Variants in FBXL12 observed in about 807,000 individuals in gnomAD.
The protein encoded by FBXL12 is F-box/LRR-repeat protein 12.
Under a neutral mutation model 24.9 loss-of-function variants are expected in FBXL12, and 22 were observed. The observed-to-expected ratio is 0.88, with a 90% CI of 0.63 to 1.26. The LOEUF (loss-of-function observed/expected upper bound fraction) is 1.26, where lower values mean the gene tolerates loss of function less well. FBXL12 is among the 50% of genes most tolerant of loss of function. The probability of loss-of-function intolerance (pLI) is 0.00; values close to 1 mark genes in which losing one functional copy is unlikely to be tolerated. For missense variants in FBXL12, 384 were observed against 434.1 expected, an observed-to-expected ratio of 0.88 and a Z score of 1.03; for synonymous variants, 193 against 193.8, an observed-to-expected ratio of 1.00 and a Z score of 0.03.
At chr19:9,814,023 C>T (rs1426073128) in intron 2 of FBXL12, 1 of 152,204 alleles carries the variant, frequency 6.6e-6, no homozygotes, top group Non-Finnish European at 1.5e-5. Flanking sequence ...CTTACATTTG[C>T]CTTTTATACA....
rs1353338838 is a variant in FBXL12, at chr19:9,811,329, A to G, written c.548T>C (p.Leu183Pro). 4 of 1,609,344 alleles carry G rather than the reference A, an allele frequency of 2.5e-6. No homozygotes were observed. The highest frequency in any genetic ancestry group is 3.4e-6 in the Non-Finnish European group (4 of 1,179,958). ...CTCGGTCACACGGTAGGTACCACCC[A>G]GCACCAGCGAGCGCAAGGCCCGGAA... The part of the protein sequence containing the change: ...TRFRALRSLV[L>P]GGTYRVTETG... Residue 183 changes from leucine (L) to proline (P), a missense_variant, in exon 3 of 3, where the codon CTG becomes CCG. Leu to Pro is a moderately conservative substitution (Grantham distance 98). Transcript: ENST00000247977. This position sits in a 1 kb window ranked among gnomAD's most constrained non-coding sequence, Gnocchi z 6.0.
intron 2 of FBXL12, 31 bp downstream of exon 2, chr19:9,818,514 G>A (rs1190648912): frequency 6.5e-7 from 1 of 1,533,362 alleles, no homozygotes; most frequent in South Asian, 1.2e-5. Context: ...CCGCGACCGC[G>A]GCCCAGGCCC....
Position 9,811,801 on chromosome 19 carries a change from G to T in FBXL12, c.160-84C>A. 8.2e-7 allele frequency: 1 copy of T among 1,219,008 alleles called. No homozygotes were observed. Among genetic ancestry groups the T allele is most frequent in the South Asian group, 2.0e-5 (1 of 49,158 alleles). The allele number at this position is 1,219,008 out of a possible 1,614,324, so 75.5% of individuals were successfully genotyped here. ...GCTGGGCTGGAGACACACAACCCCG[G>T]GGTGGGGGATTCTGGTGCCCTGCTG... On this transcript the variant is annotated intron_variant, in intron 2 of 2. Transcript: ENST00000247977. The surrounding 1 kb of genome is among the most constrained non-coding windows in gnomAD (Gnocchi z 6.0).
chr19:9,814,038 T>C (rs1297722389), intron 2 of FBXL12: 1 of 152,816 alleles, frequency 6.5e-6, no homozygotes, highest in African/African-American at 2.4e-5. Flanking sequence ...TATACATGCA[T>C]ATATATACCC....
chr19:9,814,781 T>C (rs2045844387), intron 2 of FBXL12: 1 of 152,042 alleles, frequency 6.6e-6, no homozygotes, highest in African/African-American at 2.4e-5. Flanking sequence ...CTCTTGAGAT[T>C]TATTCACTAT....
chr19:9,811,321 T>C lies in FBXL12; in HGVS notation c.556A>G (p.Thr186Ala). The C allele has an allele frequency of 6.2e-7, 1 of 1,609,112 alleles. No individual in the cohort carries two copies. Among genetic ancestry groups the C allele is most frequent in the Middle Eastern group, 1.6e-4 (1 of 6,062 alleles). Residue 186 changes from threonine to alanine, a missense_variant, in exon 3 of 3, where the codon ACC becomes GCC. Thr to Ala is a moderately conservative substitution (Grantham distance 58, BLOSUM62 0). Coordinates refer to ENST00000247977, the MANE Select transcript of FBXL12 (RefSeq NM_017703.3). This position sits in a 1 kb window ranked among gnomAD's most constrained non-coding sequence, Gnocchi z 6.0. ...RALRSLVLGG[T>A]YRVTETGLDA... ...AGCCCTGTCTCGGTCACACGGTAGG[T>C]ACCACCCAGCACCAGCGAGCGCAAG...
rs755952187 is a variant in FBXL12 at position 9,818,708 on chromosome 19, C to T, written c.86+20G>A. The stretch of plus-strand genomic sequence containing the variant: ...GCTGCGCCCTCCGCCCTGCCCTTCC[C>T]CCCGGAGGCGGGGCCGCACCTGGAG... On this transcript the variant is annotated intron_variant, in intron 1 of 2. Transcript: ENST00000247977. 5.2e-6 allele frequency: 8 copies of T among 1,543,940 alleles called. No homozygotes were observed. The East Asian group carries it at 1.5e-4, about 28-fold the overall frequency.
intron 2 of FBXL12, among the ~76,000 whole-genome samples, chr19:9,816,438 A>T (rs966050812): frequency 6.6e-6 from 1 of 152,198 alleles, no homozygotes; most frequent in Admixed American, 6.5e-5. Context: ...TTCTTCCACT[A>T]GATACCCTAA....
chr19:9,817,723 A>G (rs1432953304), intron 2 of FBXL12, among the ~76,000 whole-genome samples: 1 of 152,212 alleles, frequency 6.6e-6, no homozygotes, highest in Non-Finnish European at 1.5e-5. Flanking sequence ...AGATGGATAT[A>G]TACAGTAAAA....
intron 2 of FBXL12, chr19:9,818,313 T>A (rs2045926218): frequency 3.5e-6 from 2 of 577,002 alleles, no homozygotes; most frequent in Non-Finnish European, 6.2e-6. Context: ...TGAAGTCCCA[T>A]AATAGCCCCG....
At chr19:9,815,304 C>T (rs1014478244) in intron 2 of FBXL12, among the ~76,000 whole-genome samples, 1 of 152,220 alleles carries the variant, frequency 6.6e-6, no homozygotes, top group Non-Finnish European at 1.5e-5. Context: ...GAGGTGGGTT[C>T]CCATGGTCTT....
intron 2 of FBXL12, among the ~76,000 whole-genome samples, chr19:9,817,823 A>G (rs1230741673): frequency 6.6e-6 from 1 of 152,254 alleles, no homozygotes; most frequent in Non-Finnish European, 1.5e-5. Context: ...GTTTTTGGAC[A>G]CACACATATG....
intron 2 of FBXL12, among the ~76,000 whole-genome samples, chr19:9,813,969 T>C (rs1458951659): frequency 6.6e-6 from 1 of 152,088 alleles, no homozygotes; most frequent in Non-Finnish European, 1.5e-5. Context: ...AACTCTTCCA[T>C]TCACTGAAGA....
At position 9,810,848 on chromosome 19, in the gene FBXL12, G is replaced by T. The variant is rs781081882; in HGVS notation, c.*48C>A. Reference sequence around the variant, plus strand: ...TTCAAGGTGCTGCTCAGAGGGTCTGGGGCTCAATGATGAAAACTGGGATGG... The same window carrying T: ...TTCAAGGTGCTGCTCAGAGGGTCTGTGGCTCAATGATGAAAACTGGGATGG... On this transcript the variant is annotated 3_prime_UTR_variant, in exon 3 of 3. Coordinates refer to ENST00000247977, the MANE Select transcript of FBXL12 (RefSeq NM_017703.3). 1.4e-6 allele frequency: 2 copies of T among 1,456,488 alleles called. No homozygotes were observed. Among genetic ancestry groups the T allele is most frequent in the African/African-American group, 1.4e-5 (1 of 71,752 alleles). The allele number at this position is 1,456,488 out of a possible 1,614,324, so 90.2% of individuals were successfully genotyped here.
intron 2 of FBXL12, among the ~76,000 whole-genome samples, chr19:9,817,382 G>A (rs149746207): frequency 2.0e-5 from 3 of 152,296 alleles, no homozygotes; most frequent in East Asian, 3.9e-4. Flanking sequence ...ATTTAGACCC[G>A]TGTGGGTCAG....
At position 9,818,845 on chromosome 19, in the gene FBXL12, TAA is replaced by T; in HGVS notation, c.-34_-33del. The T allele has an allele frequency of 6.5e-7, 1 of 1,538,106 alleles. No homozygotes were observed. The highest frequency in any genetic ancestry group is 8.8e-7 in the Non-Finnish European group (1 of 1,136,370). Reference sequence around the variant, plus strand: ...GCCGACACGCACTTCCGCTTCCGGTTAAAGAGACCCGAGGGGTCCTGGGGGCG... The same window carrying T: ...GCCGACACGCACTTCCGCTTCCGGTTAGAGACCCGAGGGGTCCTGGGGGCG... On this transcript the variant is annotated 5_prime_UTR_variant, in exon 1 of 3. Coordinates refer to ENST00000247977, the MANE Select transcript of FBXL12 (RefSeq NM_017703.3).
intron 2 of FBXL12, chr19:9,814,063 G>A (rs1334558619): frequency 1.9e-5 from 3 of 156,550 alleles, no homozygotes; most frequent in African/African-American, 7.2e-5. Flanking sequence ...AATACAAACT[G>A]TATTAGTCTA....
At chr19:9,813,259 C>T in intron 2 of FBXL12, 1 of 1,231,362 alleles carries the variant, frequency 8.1e-7, no homozygotes, top group Non-Finnish European at 1.0e-6. Context: ...GATTTCTCTA[C>T]TTGGCATCAT....
Position 9,818,711 on chromosome 19 carries a change from C to G in FBXL12, c.86+17G>C. On this transcript the variant is annotated intron_variant, in intron 1 of 2. Transcript: ENST00000247977. ...GCGCCCTCCGCCCTGCCCTTCCCCC[C>G]GGAGGCGGGGCCGCACCTGGAGATG... The G allele has an allele frequency of 1.3e-6, 2 of 1,543,824 alleles. No homozygotes were observed. The highest frequency in any genetic ancestry group is 1.8e-6 in the Non-Finnish European group (2 of 1,140,680).
Sources: allele counts gnomAD v4.1 joint callset (sites outside exome capture counted in the v4.1 genomes callset), GRCh38; gene constraint gnomAD v4.1.1; non-coding constraint Gnocchi (gnomAD v3.1); transcripts MANE v1.5; gene names NCBI Gene and HGNC (gene_info 2026-07-23, HGNC 2026-07-21).